PER1: variants seen among roughly 807,000 people sequenced by gnomAD.
PER1 encodes period circadian protein homolog 1.
A neutral mutation model predicts 125.9 loss-of-function variants in PER1; 87 were observed. The observed-to-expected ratio is 0.69, with a 90% CI of 0.58 to 0.83. The LOEUF (loss-of-function observed/expected upper bound fraction) is 0.83. PER1 is among the 40% of genes least tolerant of loss of function. The probability of loss-of-function intolerance (pLI) is 0.00; values close to 1 mark genes in which losing one functional copy is unlikely to be tolerated. For missense variants in PER1, 1,775 were observed against 1,722.8 expected (o/e 1.03, Z -0.54); for synonymous variants, 801 against 714.7 (o/e 1.12, Z -1.93).
chr17:8,149,344 C>T (rs541362949), intron 6 of PER1, 34 bp from the exon 7 acceptor site: 1 of 1,612,138 alleles, frequency 6.2e-7, no homozygotes, highest in Non-Finnish European at 8.5e-7. Flanking sequence ...AGCACAGCTT[C>T]CTGCCCCTTC....
rs1982084652 is a variant in PER1 at position 8,141,686 on chromosome 17, G to A, written c.3600+119C>T. The A allele has an allele frequency of 3.7e-6, 4 of 1,067,092 alleles. No homozygotes were observed. In the South Asian group the frequency reaches 4.8e-5, roughly 13 times the overall value. 66.1% of individuals were successfully genotyped at this position (1,067,092 alleles called of 1,614,324 possible). A position where few individuals can be genotyped will look rare whatever the true frequency, so the allele number is the denominator to read the frequency against. ...ATCAAGGAGATCAGCTCTTGGCCTC[G>A]ATCCCTTGAACTTGAGCTCAATTCT... On this transcript the variant is annotated intron_variant, in intron 22 of 22. Transcript: ENST00000317276.
In PER1 at chr17:8,146,970, A is replaced by T; in HGVS notation, c.1662T>A (p.His554Gln). ...GCTGCTGGCCCTGGTGCTTCACCAGATGCACATCCTTACAGATCTGCTGGA... is the reference window on the plus strand; with the variant it reads ...GCTGCTGGCCCTGGTGCTTCACCAGTTGCACATCCTTACAGATCTGCTGGA... ...VTFQQICKDV[H>Q]LVKHQGQQLF... Residue 554 changes from histidine to glutamine, a missense_variant, in exon 14 of 23, where the codon CAT (histidine) becomes CAA (glutamine). His to Gln is a conservative substitution (Grantham distance 24, BLOSUM62 0). Transcript: ENST00000317276. 1 of 1,614,040 alleles carries T rather than the reference A, an allele frequency of 6.2e-7. No individual in the cohort carries two copies.
Position 8,147,006 on chromosome 17 carries a change from T to C in PER1, c.1630-4A>G. The stretch of plus-strand genomic sequence containing the variant: ...TACAGATCTGCTGGAAAGTCACCTG[T>C]GGGACACAGCACCACAGTGAGCAGA... On this transcript the variant is annotated splice_polypyrimidine_tract_variant and splice_region_variant and intron_variant, in intron 13 of 22. Coordinates refer to ENST00000317276, the MANE Select transcript of PER1 (RefSeq NM_002616.3). 6.2e-7 allele frequency: 1 copy of C among 1,610,660 alleles called. No homozygotes were observed. The highest frequency in any genetic ancestry group is 8.5e-7 in the Non-Finnish European group (1 of 1,177,178).
Position 8,144,807 on chromosome 17 carries a change from C to A in PER1, c.2405G>T (p.Gly802Val). 1 of 1,585,346 alleles carries A rather than the reference C, an allele frequency of 6.3e-7. No homozygotes were observed. The highest frequency in any genetic ancestry group is 1.8e-5 in the Admixed American group (1 of 56,712). ...AGAGCTGTCGAGTCCACGCAGCCTG[C>A]CCAGGTCTCGGAAGCGGCTGAGGAA... Reference protein sequence around the residue: ...QAFLSRFRDLGRLRGLDSSST... With the variant: ...QAFLSRFRDLVRLRGLDSSST... The change falls in exon 18 of 23, where the codon GGC (glycine) becomes GTC (valine). Residue 802 changes from glycine (G) to valine (V), a missense_variant. Coordinates refer to ENST00000317276, the MANE Select transcript of PER1 (RefSeq NM_002616.3).
intron 10 of PER1, 58 bp from the exon 11 acceptor site, chr17:8,147,885 G>A (rs1302339429): frequency 2.5e-6 from 4 of 1,602,054 alleles, no homozygotes; most frequent in South Asian, 1.1e-5. Context: ...GTAAGAGGGA[G>A]GCCATGCCAC....
rs200635045 is a variant in PER1 at position 8,144,899 on chromosome 17, G to C, written c.2313C>G (p.Asp771Glu). Residue 771 changes from aspartate (D) to glutamate (E), a missense_variant, in exon 18 of 23, where the codon GAC (aspartate) becomes GAG (glutamate). Transcript: ENST00000317276. The stretch of plus-strand genomic sequence containing the variant: ...TGGTCAGCCCCACTGGACGGTAGGC[G>C]TCTGGGGCTGGGTCAGGGGCTACTG... ...SPTVAPDPAP[D>E]AYRPVGLTKA... is the part of the protein sequence containing the mutation. 1 of 1,556,102 alleles carries C rather than the reference G, an allele frequency of 6.4e-7. No individual in the cohort carries two copies.
At position 8,150,823 on chromosome 17, in the gene PER1, A is replaced by C; in HGVS notation, c.-117T>G. The C allele has an allele frequency of 1.0e-6, 1 of 987,956 alleles. No homozygotes were observed. The highest frequency in any genetic ancestry group is 1.7e-5 in the South Asian group (1 of 57,236). The allele number at this position is 987,956 out of a possible 1,614,324, so 61.2% of individuals were successfully genotyped here. A position where few individuals can be genotyped will look rare whatever the true frequency, so the allele number is the denominator to read the frequency against. ...GGAAGATCTAAGTCTCTGAGGGTTG[A>C]GAAGTTCGATCACAGCCAGTACCTG... is the stretch of plus-strand genomic sequence containing the variant. On this transcript the variant is annotated 5_prime_UTR_variant, in exon 2 of 23. Coordinates refer to ENST00000317276, the MANE Select transcript of PER1 (RefSeq NM_002616.3).
Position 8,150,534 on chromosome 17 carries a change from T to C in PER1, c.173A>G (p.Asn58Ser), listed in dbSNP as rs574227546. 6 of 1,614,168 alleles carry C rather than the reference T, an allele frequency of 3.7e-6. No homozygotes were observed. In the African/African-American group the frequency reaches 6.7e-5, roughly 18 times the overall value. ...NSNGSSGNES[N>S]GHESRGASQR... ...AGATGCGCCTCTAGACTCATGCCCG[T>C]TGGACTCATTGCCACTTGAACCATT... The change falls in exon 2 of 23, where the codon AAC becomes AGC. Residue 58 changes from asparagine (N) to serine (S), a missense_variant. By Grantham distance (46) the Asn-to-Ser change is conservative. Coordinates refer to ENST00000317276, the MANE Select transcript of PER1 (RefSeq NM_002616.3).
chr17:8,143,844 G>T lies in PER1; in HGVS notation c.2494C>A (p.Arg832=), dbSNP rs143768431. 3.1e-6 allele frequency: 5 copies of T among 1,612,046 alleles called. No homozygotes were observed. The highest frequency in any genetic ancestry group is 4.2e-6 in the Non-Finnish European group (5 of 1,179,318). Residue 832 remains arginine (R), a synonymous_variant, in exon 19 of 23, where the codon CGA becomes AGA. Coordinates refer to ENST00000317276, the MANE Select transcript of PER1 (RefSeq NM_002616.3). ...CHHGPAPPSR[R]HHCRSKAKRS... ...TTGGCTTTGGATCGGCAGTGGTGTC[G>T]GCGGCTTGGGGGTGCGGGGCCGTGG...
chr17:8,149,382 A>G (rs765212805), intron 6 of PER1, 72 bp from the exon 7 acceptor site: 6 of 1,606,702 alleles, frequency 3.7e-6, no homozygotes, highest in African/African-American at 2.7e-5. Flanking sequence ...CCACTAAGGG[A>G]AAGTCTGGGT....
At position 8,143,608 on chromosome 17, in the gene PER1, G is replaced by A. The variant is rs1568024593; in HGVS notation, c.2730C>T (p.Phe910=). 3 of 1,455,202 alleles carry A rather than the reference G, an allele frequency of 2.1e-6. No individual in the cohort carries two copies. Among genetic ancestry groups the A allele is most frequent in the Non-Finnish European group, 2.7e-6 (3 of 1,098,300 alleles). The allele number at this position is 1,455,202 out of a possible 1,614,324, so 90.1% of individuals were successfully genotyped here. ...PAPTSVPPAA[F]PAPLVTPMVA... is the part of the protein sequence containing the mutation. Reference sequence around the variant, plus strand: ...CCATTGGGGTCACCAAAGGGGCGGGGAAAGCAGCTGGGGGCACAGATGTGG... The same window carrying A: ...CCATTGGGGTCACCAAAGGGGCGGGAAAAGCAGCTGGGGGCACAGATGTGG... Residue 910 remains phenylalanine (F), a synonymous_variant, in exon 19 of 23, where the codon TTC becomes TTT. Coordinates refer to ENST00000317276, the MANE Select transcript of PER1 (RefSeq NM_002616.3).
At chr17:8,148,300 T>G (rs1377084073) in intron 8 of PER1, 41 bp from the exon 9 acceptor site, 1 of 1,526,748 alleles carries the variant, frequency 6.5e-7, no homozygotes, top group Non-Finnish European at 9.1e-7. Flanking sequence ...TCGTCCAGAA[T>G]GCCCAACTCC....
rs141389256 is a variant in PER1, at chr17:8,144,582, T to C, written c.2461+169A>G. The C allele has an allele frequency of 8.8e-4, 759 of 861,372 alleles. 1 individual carries two copies. The African/African-American group carries it at 0.011, about 13-fold the overall frequency. The allele number at this position is 861,372 out of a possible 1,614,324, so 53.4% of individuals were successfully genotyped here. On this transcript the variant is annotated intron_variant, in intron 18 of 22. Transcript: ENST00000317276. ...CCTCTGGCTGCAGCCCGGAACCCCA[T>C]CCTAGTGGGGAGAAGCTAGCGAGGG...
rs371685631 is a variant in PER1, at chr17:8,145,941, C to G, written c.2218+17G>C. 1.3e-6 allele frequency: 2 copies of G among 1,578,426 alleles called. No individual in the cohort carries two copies. The highest frequency in any genetic ancestry group is 1.7e-6 in the Non-Finnish European group (2 of 1,161,322). On this transcript the variant is annotated intron_variant, in intron 17 of 22. Coordinates refer to ENST00000317276, the MANE Select transcript of PER1 (RefSeq NM_002616.3). ...CCGGTGGAGCCCAAGCACTGCCCCC[C>G]AATTCCACACCCATACCCGACTCCG...
rs761924303 is a variant in PER1 at position 8,147,572 on chromosome 17, G to A, written c.1395C>T (p.Pro465=). 2.5e-6 allele frequency: 4 copies of A among 1,613,336 alleles called. No individual in the cohort carries two copies. The highest frequency in any genetic ancestry group is 3.4e-6 in the Non-Finnish European group (4 of 1,179,624). The change falls in exon 12 of 23, where the codon CCC becomes CCT. Residue 465 remains proline (P), a synonymous_variant. Transcript: ENST00000317276. ...VLGRHKVRTA[P]LNEDVFTPPA... ...GGGGAGTGAACACGTCCTCATTCAGGGGGGCCCTGTAGAGTGAAGAGTGAA... is the reference window on the plus strand; with the variant it reads ...GGGGAGTGAACACGTCCTCATTCAGAGGGGCCCTGTAGAGTGAAGAGTGAA...
rs3027179 is a variant in PER1 at position 8,149,749 on chromosome 17, G to A, written c.651+6C>T. On this transcript the variant is annotated splice_donor_region_variant and intron_variant, in intron 5 of 22. Coordinates refer to ENST00000317276, the MANE Select transcript of PER1 (RefSeq NM_002616.3). ...GTCGGGATGCAGAGGCCAGGCCGCC[G>A]CTGACCTGGTTCTGAAGTGTGTACT... The A allele has an allele frequency of 1.2e-3, 1,858 of 1,612,454 alleles. 3 individuals carry two copies. The highest frequency in any genetic ancestry group is 1.3e-3 in the Non-Finnish European group (1,579 of 1,180,018).
At chr17:8,148,306 A>C (rs764636273) in intron 8 of PER1, 47 bp from the exon 9 acceptor site, 1 of 1,493,144 alleles carries the variant, frequency 6.7e-7, no homozygotes, top group East Asian at 2.3e-5. Flanking sequence ...AGAATGCCCA[A>C]CTCCTCAGCC....
At position 8,148,247 on chromosome 17, in the gene PER1, G is replaced by C. The variant is rs1201156478; in HGVS notation, c.1061C>G (p.Pro354Arg). 6.2e-7 allele frequency: 1 copy of C among 1,613,964 alleles called. No individual in the cohort carries two copies. Among genetic ancestry groups the C allele is most frequent in the East Asian group, 2.2e-5 (1 of 44,872 alleles). The change falls in exon 9 of 23, where the codon CCC becomes CGC. Residue 354 changes from proline (P) to arginine (R), a missense_variant. By Grantham distance (103) the Pro-to-Arg change is moderately radical. Coordinates refer to ENST00000317276, the MANE Select transcript of PER1 (RefSeq NM_002616.3). ...CGTAGTGAAAATCCTCTTGTCAGGGGGTATCCGGGGAGCTGAGGCACAGAG... is the reference window on the plus strand; with the variant it reads ...CGTAGTGAAAATCCTCTTGTCAGGGCGTATCCGGGGAGCTGAGGCACAGAG... ...IHSGYEAPRI[P>R]PDKRIFTTRH... is the part of the protein sequence containing the mutation.
chr17:8,140,815 G>A lies in PER1; in HGVS notation c.*253C>T. 2 of 466,412 alleles carry A rather than the reference G, an allele frequency of 4.3e-6. No homozygotes were observed. The highest frequency in any genetic ancestry group is 7.8e-6 in the Non-Finnish European group (2 of 257,900). The allele number at this position is 466,412 out of a possible 1,614,324, so 28.9% of individuals were successfully genotyped here. On this transcript the variant is annotated 3_prime_UTR_variant, in exon 23 of 23. Transcript: ENST00000317276. Reference sequence around the variant, plus strand: ...AGCTTGTCAGCAACTTTGTCCAGGGGAGGGAAGGATTCCTCTCCAAAGGTG... The same window carrying A: ...AGCTTGTCAGCAACTTTGTCCAGGGAAGGGAAGGATTCCTCTCCAAAGGTG...
Sources: allele counts gnomAD v4.1 joint callset, GRCh38; gene constraint gnomAD v4.1.1; transcripts MANE v1.5; gene names NCBI Gene and HGNC (gene_info 2026-07-23, HGNC 2026-07-21).